Variants in SEPTIN9 observed in about 807,000 individuals in gnomAD.
SEPTIN9 encodes the protein septin 9.
A neutral mutation model predicts 56.6 loss-of-function variants in SEPTIN9; 13 were observed. The ratio of observed to expected loss-of-function variants is 0.23; its 90% CI spans 0.15 to 0.37. SEPTIN9 has a LOEUF of 0.37. Ranked by LOEUF, SEPTIN9 falls within the 10% of genes least tolerant of loss-of-function variation. The pLI, the probability that SEPTIN9 is intolerant of heterozygous loss-of-function variation, is 1.00. For missense variants in SEPTIN9, 650 were observed against 823.1 expected, an observed-to-expected ratio of 0.79 and a Z score of 2.57; for synonymous variants, 332 against 334.1, an observed-to-expected ratio of 0.99 and a Z score of 0.07.
At position 77,429,395 on chromosome 17, in the gene SEPTIN9, G is replaced by A. The variant is rs985224328; in HGVS notation, c.721+26692G>A. On this transcript the variant is annotated intron_variant, in intron 3 of 11. Transcript: ENST00000427177. The surrounding 1 kb of genome is among the most constrained non-coding windows in gnomAD (Gnocchi z 5.2). ...TTGCAAAATGGGGACATCACCGTCCGCCTGGGCTACAGCGTGCTCGCCGAT... is the reference window on the plus strand; with the variant it reads ...TTGCAAAATGGGGACATCACCGTCCACCTGGGCTACAGCGTGCTCGCCGAT... 4 of 421,652 alleles carry A rather than the reference G, an allele frequency of 9.5e-6. No individual in the cohort carries two copies. The highest frequency in any genetic ancestry group is 6.1e-5 in the African/African-American group (3 of 49,186). The allele number at this position is 421,652 out of a possible 1,614,324, so 26.1% of individuals were successfully genotyped here.
chr17:77,381,731 G>A (rs891459581), intron 2 of SEPTIN9, among the ~76,000 whole-genome samples: 2 of 152,222 alleles, frequency 1.3e-5, no homozygotes, highest in African/African-American at 4.8e-5. Flanking sequence ...ACGGTGAGAG[G>A]TGCTCCTTGG....
Position 77,402,546 on chromosome 17 carries a change from G to A in SEPTIN9, c.564G>A (p.Val188=), listed in dbSNP as rs774529028. The change falls in exon 3 of 12, where the codon GTG becomes GTA. Residue 188 remains valine (V), a synonymous_variant. Transcript: ENST00000427177. The surrounding 1 kb of genome is among the most constrained non-coding windows in gnomAD (Gnocchi z 6.6). ...APATDAAPKR[V]EIQMPKPAEA... ...CCACCGACGCAGCCCCCAAGAGGGT[G>A]GAGATCCAGATGCCCAAGCCTGCTG... The A allele has an allele frequency of 3.1e-6, 5 of 1,609,052 alleles. No homozygotes were observed. The highest frequency in any genetic ancestry group is 1.3e-5 in the African/African-American group (1 of 74,806).
At chr17:77,438,039 T>C (rs550324553) in intron 3 of SEPTIN9, among the ~76,000 whole-genome samples, 1 of 152,320 alleles carries the variant, frequency 6.6e-6, no homozygotes, top group East Asian at 1.9e-4. Flanking sequence ...CAGCATCGTG[T>C]GGGCCGGGGC....
rs540053918 is a variant in SEPTIN9, at chr17:77,493,200, C to T, written c.1573+124C>T. The T allele has an allele frequency of 1.5e-3, 1,122 of 752,916 alleles. 19 individuals carry two copies. The East Asian group carries it at 0.026, about 18-fold the overall frequency. The allele number at this position is 752,916 out of a possible 1,614,324, so 46.6% of individuals were successfully genotyped here. A position where few individuals can be genotyped will look rare whatever the true frequency, so the allele number is the denominator to read the frequency against. On this transcript the variant is annotated intron_variant, in intron 10 of 11. Coordinates refer to ENST00000427177, the MANE Select transcript of SEPTIN9 (RefSeq NM_001113491.2). ...ACCTCATCCACTGCCTTGCCCCACCCAGAGGGAGGGGTCTCCTTGTCCCCA... is the reference window on the plus strand; with the variant it reads ...ACCTCATCCACTGCCTTGCCCCACCTAGAGGGAGGGGTCTCCTTGTCCCCA...
chr17:77,394,160 G>A (rs2035630470), intron 2 of SEPTIN9, among the ~76,000 whole-genome samples: 1 of 152,128 alleles, frequency 6.6e-6, no homozygotes, highest in Non-Finnish European at 1.5e-5. Context: ...ACCCCACTCT[G>A]CCAGCGCCAA....
At chr17:77,388,704 T>C (rs1211309077) in intron 2 of SEPTIN9, among the ~76,000 whole-genome samples, 1 of 152,048 alleles carries the variant, frequency 6.6e-6, no homozygotes, top group Non-Finnish European at 1.5e-5. Flanking sequence ...GCAGCTCATA[T>C]TGGCTCGGGC....
At chr17:77,295,730 A>T (rs1408951673) in intron 1 of SEPTIN9, among the ~76,000 whole-genome samples, 5 of 149,572 alleles carry the variant, frequency 3.3e-5, no homozygotes, top group Non-Finnish European at 7.4e-5. Context: ...AGCCGGCCTC[A>T]CTTCCCTGCT....
chr17:77,358,429 T>C (rs2034320211), intron 2 of SEPTIN9, among the ~76,000 whole-genome samples: 1 of 152,184 alleles, frequency 6.6e-6, no homozygotes, highest in Non-Finnish European at 1.5e-5. Context: ...AAGACCAGCC[T>C]GGCCAACATG....
At chr17:77,365,275 G>C (rs191962397) in intron 2 of SEPTIN9, among the ~76,000 whole-genome samples, 1 of 152,094 alleles carries the variant, frequency 6.6e-6, no homozygotes, top group Non-Finnish European at 1.5e-5. Flanking sequence ...CCCTTATTGA[G>C]TCTCTGCTCC....
chr17:77,401,311 G>A (rs1479138999), intron 2 of SEPTIN9, among the ~76,000 whole-genome samples: 4 of 152,144 alleles, frequency 2.6e-5, no homozygotes, highest in African/African-American at 2.4e-5. Context: ...TTCCTGCTGC[G>A]GTTCTGATTG....
At chr17:77,467,785 C>CGT (rs2038812721) in intron 3 of SEPTIN9, among the ~76,000 whole-genome samples, 1 of 152,206 alleles carries the variant, frequency 6.6e-6, no homozygotes, top group Admixed American at 6.5e-5. Context: ...AGACGGGAAC[C>CGT]GTGGCTGCCC....
At position 77,402,760 on chromosome 17, in the gene SEPTIN9, G is replaced by T. The variant is rs566724378; in HGVS notation, c.721+57G>T. Reference sequence around the variant, plus strand: ...GTGGTAATGGGGGGCCTGGTTGCTGGCTTTGCCACAGAATCTTGGAGGAAG... The same window carrying T: ...GTGGTAATGGGGGGCCTGGTTGCTGTCTTTGCCACAGAATCTTGGAGGAAG... On this transcript the variant is annotated intron_variant, in intron 3 of 11. Transcript: ENST00000427177. This position sits in a 1 kb window ranked among gnomAD's most constrained non-coding sequence, Gnocchi z 6.6. 1 of 1,492,710 alleles carries T rather than the reference G, an allele frequency of 6.7e-7. No individual in the cohort carries two copies. The allele number at this position is 1,492,710 out of a possible 1,614,324, so 92.5% of individuals were successfully genotyped here.
chr17:77,324,081 T>C (rs1467925931), intron 2 of SEPTIN9, among the ~76,000 whole-genome samples: 1 of 152,216 alleles, frequency 6.6e-6, no homozygotes, highest in Non-Finnish European at 1.5e-5. Flanking sequence ...TTGGCGTTCC[T>C]TGGCTCGTGG....
At position 77,317,819 on chromosome 17, in the gene SEPTIN9, A is replaced by T. The variant is rs1194522870; in HGVS notation, c.76+10622A>T. Among the ~76,000 whole-genome samples the T allele has an allele frequency of 6.6e-6, 1 of 152,114 alleles. No individual in the cohort carries two copies. The highest frequency in any genetic ancestry group is 2.4e-5 in the African/African-American group (1 of 41,422). ...TGTAATCCCAGCACTTTGGGAGGCCAAGGCTGGCGGATCACGAGGTCAGGA... is the reference window on the plus strand; with the variant it reads ...TGTAATCCCAGCACTTTGGGAGGCCTAGGCTGGCGGATCACGAGGTCAGGA... On this transcript the variant is annotated intron_variant, in intron 2 of 11. Transcript: ENST00000427177. The surrounding 1 kb of genome is among the most constrained non-coding windows in gnomAD (Gnocchi z 4.2).
intron 1 of SEPTIN9, among the ~76,000 whole-genome samples, chr17:77,284,197 G>C (rs1302938288): frequency 6.6e-6 from 1 of 152,236 alleles, no homozygotes; most frequent in Non-Finnish European, 1.5e-5. Context: ...AGGAGGCTGA[G>C]ACAGGAGGAT....
chr17:77,322,102 C>T (rs1388638758), intron 2 of SEPTIN9, among the ~76,000 whole-genome samples: 1 of 152,198 alleles, frequency 6.6e-6, no homozygotes, highest in Non-Finnish European at 1.5e-5. Context: ...GCCTCGGGTT[C>T]GGCCTTCACT....
intron 2 of SEPTIN9, among the ~76,000 whole-genome samples, chr17:77,365,842 T>C (rs1220632685): frequency 6.6e-6 from 1 of 152,186 alleles, no homozygotes; most frequent in Non-Finnish European, 1.5e-5. Flanking sequence ...CTGTGGTGAC[T>C]TTGAAAATAA....
intron 3 of SEPTIN9, among the ~76,000 whole-genome samples, chr17:77,424,859 G>A (rs1175975569): frequency 2.0e-5 from 3 of 152,198 alleles, no homozygotes; most frequent in Non-Finnish European, 4.4e-5. Context: ...GGGCATCCGG[G>A]CACTGAGTGT....
chr17:77,397,259 C>T (rs1459268083), intron 2 of SEPTIN9, among the ~76,000 whole-genome samples: 3 of 152,186 alleles, frequency 2.0e-5, no homozygotes, highest in Admixed American at 2.0e-4. Flanking sequence ...CTCCAGCTTG[C>T]GTTGGCCCAG....
Sources: allele counts gnomAD v4.1 joint callset (sites outside exome capture counted in the v4.1 genomes callset), GRCh38; gene constraint gnomAD v4.1.1; non-coding constraint Gnocchi (gnomAD v3.1); transcripts MANE v1.5; gene names NCBI Gene and HGNC (gene_info 2026-07-23, HGNC 2026-07-21).